NUCKS1: variants seen among roughly 807,000 people sequenced by gnomAD.
NUCKS1 encodes nuclear casein kinase and cyclin dependent kinase substrate 1.
NUCKS1 carries 2 observed loss-of-function variants against 33.0 expected under a neutral mutation model. That is an observed-to-expected ratio of 0.06 (90% CI 0.02 to 0.19). The LOEUF (loss-of-function observed/expected upper bound fraction) is 0.19. Ranked by LOEUF, NUCKS1 falls within the 10% of genes least tolerant of loss-of-function variation. The pLI, the probability that NUCKS1 is intolerant of heterozygous loss-of-function variation, is 1.00. For synonymous variants in NUCKS1, 106 were observed against 102.8 expected (o/e 1.03, Z -0.19); for missense variants, 201 against 293.6 (o/e 0.68, Z 2.31).
At position 205,713,457 on chromosome 1, in the gene NUCKS1, G is replaced by A. The variant is rs1671776577; in HGVS notation, c.*4823C>T. Reference sequence around the variant, plus strand: ...CTGGAAACCCTTCAATAAAAGCAAAGCAGGAGTTTGTTTTTTCTTTGTCTA... The same window carrying A: ...CTGGAAACCCTTCAATAAAAGCAAAACAGGAGTTTGTTTTTTCTTTGTCTA... On this transcript the variant is annotated 3_prime_UTR_variant, in exon 7 of 7. Transcript: ENST00000367142. The A allele has an allele frequency of 6.6e-6, 1 of 152,226 alleles. No homozygotes were observed. Among genetic ancestry groups the A allele is most frequent in the South Asian group, 2.1e-4 (1 of 4,826 alleles). The allele number at this position is 152,226 out of a possible 1,614,324, so 9.4% of individuals were successfully genotyped here. A position where few individuals can be genotyped will look rare whatever the true frequency, so the allele number is the denominator to read the frequency against.
intron 1 of NUCKS1, among the ~76,000 whole-genome samples, chr1:205,737,793 G>A (rs1186046622): frequency 6.6e-6 from 1 of 152,176 alleles, no homozygotes; most frequent in African/African-American, 2.4e-5. Flanking sequence ...TATTTTAAAA[G>A]TATACATTTG....
At position 205,717,148 on chromosome 1, in the gene NUCKS1, G is replaced by C. The variant is rs968846514; in HGVS notation, c.*1132C>G. 3 of 220,542 alleles carry C rather than the reference G, an allele frequency of 1.4e-5. No individual in the cohort carries two copies. The highest frequency in any genetic ancestry group is 1.3e-4 in the Admixed American group (2 of 15,348). 13.7% of individuals were successfully genotyped at this position (220,542 alleles called of 1,614,324 possible). ...TCTTATCACATTTCTATGAAGAAAT[G>C]GGAAGATCGGGATATGAAAAAGAAA... On this transcript the variant is annotated 3_prime_UTR_variant, in exon 7 of 7. Transcript: ENST00000367142.
Position 205,729,778 on chromosome 1 carries a change from T to G in NUCKS1, c.18-157A>C, listed in dbSNP as rs574145221. 2.8e-4 allele frequency among the ~76,000 whole-genome samples: 43 copies of G among 152,312 alleles called. 1 individual carries two copies. The South Asian group carries it at 8.9e-3, about 32-fold the overall frequency. On this transcript the variant is annotated intron_variant, in intron 1 of 6. Coordinates refer to ENST00000367142, the MANE Select transcript of NUCKS1 (RefSeq NM_022731.5). ...GGCTCACACCTGTAATCCCAGCACT[T>G]TGGGAGGCCAAGGCTGGTGGATCAT...
intron 1 of NUCKS1, among the ~76,000 whole-genome samples, chr1:205,736,126 T>A (rs1212565637): frequency 2.0e-5 from 3 of 151,534 alleles, no homozygotes; most frequent in African/African-American, 2.4e-5. Context: ...AAATTAAAAA[T>A]TTTTTTTTGT....
intron 1 of NUCKS1, among the ~76,000 whole-genome samples, chr1:205,749,748 G>C (rs887022362): frequency 1.3e-5 from 2 of 151,248 alleles, no homozygotes; most frequent in African/African-American, 4.8e-5. Context: ...AGCGGCGCGG[G>C]GCGGGGAGGG....
intron 3 of NUCKS1, among the ~76,000 whole-genome samples, chr1:205,725,131 C>T (rs76104815): frequency 0.039 from 6,010 of 152,222 alleles, 160 homozygotes; most frequent in South Asian, 0.048. Context: ...ATCCACCTGT[C>T]CTGGCATCCC....
intron 1 of NUCKS1, among the ~76,000 whole-genome samples, chr1:205,740,408 C>T (rs1218559725): frequency 2.0e-5 from 3 of 151,750 alleles, no homozygotes; most frequent in Non-Finnish European, 4.4e-5. Flanking sequence ...TGCTTGAGTC[C>T]CAGGAGTTCA....
In NUCKS1 at chr1:205,715,948, C is replaced by T. The variant is rs1671814181; in HGVS notation, c.*2332G>A. ...TTGCATGCATGATTTGAGGGGAAGA[C>T]TAGAGTGTTTTAAATCATCAATAAA... is the stretch of plus-strand genomic sequence containing the variant. On this transcript the variant is annotated 3_prime_UTR_variant, in exon 7 of 7. Transcript: ENST00000367142. The T allele has an allele frequency of 6.6e-6, 1 of 152,264 alleles. No homozygotes were observed. Among genetic ancestry groups the T allele is most frequent in the South Asian group, 2.1e-4 (1 of 4,828 alleles). 9.4% of individuals were successfully genotyped at this position (152,264 alleles called of 1,614,324 possible).
chr1:205,729,712 T>C (rs1375093104), intron 1 of NUCKS1, 91 bp from the exon 2 acceptor site: 10 of 972,584 alleles, frequency 1.0e-5, no homozygotes, highest in Non-Finnish European at 1.5e-5. Flanking sequence ...TAAACAGAAC[T>C]GAACTAGCAC....
intron 1 of NUCKS1, among the ~76,000 whole-genome samples, chr1:205,739,644 T>TG (rs1468354310): frequency 6.6e-6 from 1 of 152,068 alleles, no homozygotes; most frequent in Non-Finnish European, 1.5e-5. Context: ...TTTGTAAAGA[T>TG]GGGGTTTCAG....
At chr1:205,731,870 T>G (rs1425722238) in intron 1 of NUCKS1, among the ~76,000 whole-genome samples, 2 of 149,234 alleles carry the variant, frequency 1.3e-5, no homozygotes, top group Admixed American at 6.8e-5. Flanking sequence ...CACTCCAGCC[T>G]GGGCGAAAGA....
intron 1 of NUCKS1, among the ~76,000 whole-genome samples, chr1:205,737,773 TAATCA>T (rs1167128713): frequency 6.6e-6 from 1 of 152,268 alleles, no homozygotes; most frequent in East Asian, 1.9e-4. Flanking sequence ...TAAACACAGC[TAATCA>T]AAAGTATTTT....
rs567822789 is a variant in NUCKS1, at chr1:205,727,958, T to C, written c.68-153A>G. ...CTTTCATCTTTAAAAAACTAAATTA[T>C]TTCCCAACGCAGTCCTATCACCTTC... On this transcript the variant is annotated intron_variant, in intron 2 of 6. Transcript: ENST00000367142. Among the ~76,000 whole-genome samples the C allele has an allele frequency of 5.9e-5, 9 of 152,318 alleles. No homozygotes were observed. The East Asian group carries it at 1.7e-3, about 29-fold the overall frequency.
At chr1:205,744,629 A>ATTTTTTTTT (rs1558056731) in intron 1 of NUCKS1, among the ~76,000 whole-genome samples, 6 of 18,392 alleles carry the variant, frequency 3.3e-4, no homozygotes, top group Non-Finnish European at 4.8e-4. Flanking sequence ...AGTTCACTAG[A>ATTTTTTTTT]GTTTTTTTTT....
rs1352941522 is a variant in NUCKS1, at chr1:205,738,291, G to A, written c.18-8670C>T. Among the ~76,000 whole-genome samples the A allele has an allele frequency of 4.0e-5, 6 of 151,878 alleles. No homozygotes were observed. In the South Asian group the frequency reaches 6.2e-4, roughly 16 times the overall value. ...GATCTGCCCGCCTTGGCCTCCCAAC[G>A]TGCTAGGATTACAGGCATGAGCCAC... On this transcript the variant is annotated intron_variant, in intron 1 of 6. Transcript: ENST00000367142.
At chr1:205,722,223 A>G (rs1037145492) in intron 4 of NUCKS1, among the ~76,000 whole-genome samples, 8 of 151,798 alleles carry the variant, frequency 5.3e-5, no homozygotes, top group Non-Finnish European at 8.8e-5. Flanking sequence ...CTCCAGGCAC[A>G]TGCAGCCATG....
rs763224123 is a variant in NUCKS1, at chr1:205,718,411, T to C, written c.601A>G (p.Lys201Glu). ...RPTASKASKE[K>E]TPSPKEEDEE... ...TCTTCTTCTTTGGGAGAAGGAGTCT[T>C]TTCCTTTGATGCCTTTGAAGCTGTG... Residue 201 changes from lysine (K) to glutamate (E), a missense_variant, in exon 7 of 7, where the codon AAG becomes GAG. By Grantham distance (56) the Lys-to-Glu change is moderately conservative. Transcript: ENST00000367142. 26 of 1,613,270 alleles carry C rather than the reference T, an allele frequency of 1.6e-5. No homozygotes were observed. The highest frequency in any genetic ancestry group is 2.2e-5 in the Non-Finnish European group (26 of 1,179,970).
intron 3 of NUCKS1, among the ~76,000 whole-genome samples, chr1:205,726,255 A>C (rs1188428287): frequency 6.6e-6 from 1 of 152,130 alleles, no homozygotes; most frequent in East Asian, 1.9e-4. Flanking sequence ...GGTGGCTCAC[A>C]CTGTAATCCC....
intron 5 of NUCKS1, 146 bp downstream of exon 5, chr1:205,720,355 T>C: frequency 1.4e-6 from 1 of 711,870 alleles, no homozygotes; most frequent in Non-Finnish European, 2.3e-6. Flanking sequence ...CAGGAACCAA[T>C]ACAGTCATCT....
Sources: allele counts gnomAD v4.1 joint callset (sites outside exome capture counted in the v4.1 genomes callset), GRCh38; gene constraint gnomAD v4.1.1; transcripts MANE v1.5; gene names NCBI Gene and HGNC (gene_info 2026-07-23, HGNC 2026-07-21).